ERG: variants seen among roughly 807,000 people sequenced by gnomAD.
ERG encodes the protein transcriptional regulator ERG.
ERG carries 9 observed loss-of-function variants against 55.3 expected under a neutral mutation model. The ratio of observed to expected loss-of-function variants is 0.16; its 90% CI spans 0.10 to 0.28. The LOEUF (loss-of-function observed/expected upper bound fraction) is 0.28. ERG is among the 10% of genes least tolerant of loss of function. The probability of loss-of-function intolerance (pLI) is 1.00; values close to 1 mark genes in which losing one functional copy is unlikely to be tolerated. For synonymous variants in ERG, 223 were observed against 237.3 expected (o/e 0.94, Z 0.55); for missense variants, 434 against 631.6 (o/e 0.69, Z 3.35).
chr21:38,395,949 C>T (rs1753155113), intron 6 of ERG, among the ~76,000 whole-genome samples: 2 of 152,174 alleles, frequency 1.3e-5, no homozygotes, highest in Non-Finnish European at 2.9e-5. Flanking sequence ...CGCTGCCTAC[C>T]CGCTTTATTT....
chr21:38,456,672 A>G (rs2058992711), intron 1 of ERG, among the ~76,000 whole-genome samples: 1 of 152,172 alleles, frequency 6.6e-6, no homozygotes, highest in African/African-American at 2.4e-5. Flanking sequence ...TTAGACGCTG[A>G]CTTACGTAGA....
chr21:38,386,808 T>C (rs1188838717), intron 9 of ERG, among the ~76,000 whole-genome samples: 1 of 152,024 alleles, frequency 6.6e-6, no homozygotes, highest in Non-Finnish European at 1.5e-5. Context: ...TTTTACTCTC[T>C]CTTAATAACA....
intron 3 of ERG, among the ~76,000 whole-genome samples, chr21:38,419,038 C>T (rs1018006485): frequency 3.3e-5 from 5 of 151,938 alleles, no homozygotes; most frequent in Non-Finnish European, 7.4e-5. Context: ...TGGGGGATGT[C>T]ACACTTGTCA....
In ERG at chr21:38,426,886, C is replaced by T. The variant is rs189519672; in HGVS notation, c.237-3325G>A. Among the ~76,000 whole-genome samples the T allele has an allele frequency of 3.2e-4, 49 of 151,460 alleles. No individual in the cohort carries two copies. In the East Asian group the frequency reaches 8.4e-3, roughly 26 times the overall value. On this transcript the variant is annotated intron_variant, in intron 2 of 9. Transcript: ENST00000288319. ...CGGAGGTTGCGGTGAGCCAAGACCA[C>T]GCCATTGCACCCCAGCCTGGGCAAC...
chr21:38,549,062 A>C (rs182555361), intron 2 of ERG, among the ~76,000 whole-genome samples: 2,645 of 151,898 alleles, frequency 0.017, 74 homozygotes, highest in African/African-American at 0.06. Flanking sequence ...GCAGTGAGCC[A>C]AGATCGCACC....
At chr21:38,422,244 C>T (rs190520983) in intron 3 of ERG, among the ~76,000 whole-genome samples, 10 of 152,160 alleles carry the variant, frequency 6.6e-5, no homozygotes, top group East Asian at 3.9e-4. Context: ...GCTGAGCTGA[C>T]GCCAAATTCA....
intron 2 of ERG, among the ~76,000 whole-genome samples, chr21:38,541,951 G>C (rs1244690413): frequency 2.0e-5 from 3 of 150,416 alleles, no homozygotes; most frequent in African/African-American, 4.9e-5. Context: ...TATTTGGAAA[G>C]TACCAATAGC....
At chr21:38,423,929 T>A (rs2146504990) in intron 2 of ERG, among the ~76,000 whole-genome samples, 1 of 152,096 alleles carries the variant, frequency 6.6e-6, no homozygotes, top group Admixed American at 6.5e-5. Flanking sequence ...TGAGCTGAGA[T>A]CATGCCACTG....
At chr21:38,432,397 T>C (rs1441938032) in intron 2 of ERG, among the ~76,000 whole-genome samples, 1 of 152,200 alleles carries the variant, frequency 6.6e-6, no homozygotes, top group Non-Finnish European at 1.5e-5. Context: ...CTGAAACCCC[T>C]AATTTCTAGA....
intron 2 of ERG, among the ~76,000 whole-genome samples, chr21:38,428,813 T>C (rs1400002300): frequency 6.6e-6 from 1 of 152,206 alleles, no homozygotes; most frequent in Non-Finnish European, 1.5e-5. Flanking sequence ...GGTGGAAATT[T>C]CTTTATTGCA....
At chr21:38,389,038 C>G (rs1987844103) in intron 9 of ERG, among the ~76,000 whole-genome samples, 1 of 152,218 alleles carries the variant, frequency 6.6e-6, no homozygotes, top group South Asian at 2.1e-4. Flanking sequence ...TGCAGCTTGA[C>G]TCTTTCCTCC....
chr21:38,516,386 T>C (rs2059551773), intron 2 of ERG, among the ~76,000 whole-genome samples: 1 of 150,826 alleles, frequency 6.6e-6, no homozygotes, highest in Non-Finnish European at 1.5e-5. Context: ...AAGGAAAAAA[T>C]ATCTAGGAAA....
chr21:38,523,428 A>C (rs1182015833), intron 2 of ERG, among the ~76,000 whole-genome samples: 1 of 152,136 alleles, frequency 6.6e-6, no homozygotes, highest in Non-Finnish European at 1.5e-5. Flanking sequence ...TCCAATGAGT[A>C]TTCATCACCA....
intron 7 of ERG, among the ~76,000 whole-genome samples, chr21:38,392,047 T>C (rs373384340): frequency 3.3e-5 from 5 of 152,098 alleles, no homozygotes; most frequent in Admixed American, 2.0e-4. Context: ...ACCAGTCAAA[T>C]AAAGTAAAGC....
At position 38,575,645 on chromosome 21, in the gene ERG, G is replaced by T. The variant is rs762133610; in HGVS notation, c.-41+17C>A. On this transcript the variant is annotated intron_variant, in intron 2 of 8. Transcript: ENST00000398897. ...AGAGGAAGGCAGAGCTGGCTTCCCA[G>T]CCAAGACGGGACTTACCTTGATATG... The T allele has an allele frequency of 2.5e-6, 4 of 1,607,146 alleles. No homozygotes were observed. The Admixed American group carries it at 5.0e-5, about 20-fold the overall frequency.
rs577608662 is a variant in ERG at position 38,460,123 on chromosome 21, C to T, written c.19-14502G>A. On this transcript the variant is annotated intron_variant, in intron 1 of 9. Transcript: ENST00000288319. The surrounding 1 kb of genome is among the most constrained non-coding windows in gnomAD (Gnocchi z 5.0). ...ATGCATTCATGAAGAATAGGCCTTCCAGCCTTGGCAACAGCTAGAACAAGG... is the reference window on the plus strand; with the variant it reads ...ATGCATTCATGAAGAATAGGCCTTCTAGCCTTGGCAACAGCTAGAACAAGG... Among the ~76,000 whole-genome samples, 16 of 152,272 alleles carry T rather than the reference C, an allele frequency of 1.1e-4. No homozygotes were observed. The highest frequency in any genetic ancestry group is 3.9e-4 in the African/African-American group (16 of 41,544).
chr21:38,428,396 G>A (rs754959787), intron 2 of ERG, among the ~76,000 whole-genome samples: 4 of 152,256 alleles, frequency 2.6e-5, no homozygotes, highest in South Asian at 4.1e-4. Flanking sequence ...AAAAGTTCCC[G>A]CAAACAGCTT....
At chr21:38,497,905 G>A (rs1008437713) in intron 1 of ERG, among the ~76,000 whole-genome samples, 12 of 152,090 alleles carry the variant, frequency 7.9e-5, no homozygotes, top group South Asian at 4.1e-4. Flanking sequence ...GTATCTCTTC[G>A]CTTCCACTGG....
At chr21:38,470,444 C>G (rs1168391213) in intron 1 of ERG, among the ~76,000 whole-genome samples, 3 of 152,154 alleles carry the variant, frequency 2.0e-5, no homozygotes, top group African/African-American at 4.8e-5. Context: ...AGATTTTTCT[C>G]TTTTCAAAAT....
Sources: gnomAD v4.1 joint callset for allele counts (sites outside exome capture counted in the v4.1 genomes callset) on GRCh38, gnomAD v4.1.1 for gene constraint, Gnocchi (gnomAD v3.1) non-coding constraint, MANE v1.5 for transcripts, NCBI Gene and HGNC (gene_info 2026-07-23, HGNC 2026-07-21) for gene names.